The following FOXP1 variants were observed in gnomAD, a reference collection of about 807,000 sequenced individuals.
The protein encoded by FOXP1 is forkhead box P1.
Under a neutral mutation model 98.2 loss-of-function variants are expected in FOXP1, and 15 were observed. The observed-to-expected ratio is 0.15, with a 90% CI of 0.10 to 0.24. The LOEUF (loss-of-function observed/expected upper bound fraction) is 0.24, where lower values mean the gene tolerates loss of function less well. Ranked by LOEUF, FOXP1 falls within the 10% of genes least tolerant of loss-of-function variation. FOXP1 has a pLI of 1.00. For synonymous variants in FOXP1, 371 were observed against 314.5 expected, an observed-to-expected ratio of 1.18 and a Z score of -1.90; for missense variants, 633 against 848.5, an observed-to-expected ratio of 0.75 and a Z score of 3.15.
chr3:71,208,578 T>G (rs1312801370), intron 5 of FOXP1, among the ~76,000 whole-genome samples: 1 of 123,360 alleles, frequency 8.1e-6, no homozygotes, highest in Non-Finnish European at 1.7e-5. Context: ...TAAACAGACC[T>G]TGCAGGATAA....
chr3:71,137,795 ATTAT>A (rs747717808), intron 6 of FOXP1, among the ~76,000 whole-genome samples: 30 of 32,298 alleles, frequency 9.3e-4, no homozygotes, highest in Non-Finnish European at 9.1e-3. Flanking sequence ...TTTATTTATT[ATTAT>A]TTTTTTTTTT....
chr3:71,370,804 T>TTG (rs2079251106), intron 3 of FOXP1, among the ~76,000 whole-genome samples: 1 of 149,786 alleles, frequency 6.7e-6, no homozygotes, highest in African/African-American at 2.4e-5. Context: ...TGTTGTTTTT[T>TTG]TTTTTTTTTT....
At chr3:70,975,434 T>C (rs986193701) in intron 17 of FOXP1, among the ~76,000 whole-genome samples, 3 of 152,190 alleles carry the variant, frequency 2.0e-5, no homozygotes, top group South Asian at 2.1e-4. Context: ...CACAGCTCTG[T>C]AAAGTTGATG....
chr3:70,987,901 A>G, intron 14 of FOXP1, 93 bp downstream of exon 14: 1 of 1,125,838 alleles, frequency 8.9e-7, no homozygotes, highest in Non-Finnish European at 1.3e-6. Flanking sequence ...CCACCAAAGT[A>G]GGCTGGTCCT....
At chr3:71,162,164 C>T (rs1167779728) in intron 6 of FOXP1, among the ~76,000 whole-genome samples, 3 of 152,182 alleles carry the variant, frequency 2.0e-5, no homozygotes, top group Non-Finnish European at 4.4e-5. Flanking sequence ...TCATCACTTA[C>T]AATTTTTTAA....
chr3:71,481,992 C>A (rs1346838297), intron 3 of FOXP1, among the ~76,000 whole-genome samples: 1 of 152,140 alleles, frequency 6.6e-6, no homozygotes, highest in Non-Finnish European at 1.5e-5. Context: ...ATTTAAATCT[C>A]CAGCAAAGAG....
chr3:71,491,986 T>G (rs551425701), intron 3 of FOXP1, among the ~76,000 whole-genome samples: 16 of 152,320 alleles, frequency 1.1e-4, no homozygotes, highest in African/African-American at 3.6e-4. Flanking sequence ...CACTGAATGA[T>G]GACCAAATAG....
At chr3:71,506,975 A>C (rs2041869806) in intron 2 of FOXP1, among the ~76,000 whole-genome samples, 1 of 152,210 alleles carries the variant, frequency 6.6e-6, no homozygotes, top group Non-Finnish European at 1.5e-5. Context: ...CTCAATGCCT[A>C]GTCAACCAGC....
At chr3:71,360,522 C>G (rs1295105288) in intron 3 of FOXP1, 1 of 152,144 alleles carries the variant, frequency 6.6e-6, no homozygotes. Context: ...ACAGATAAGT[C>G]AACTCATCCT....
At position 71,284,956 on chromosome 3, in the gene FOXP1, T is replaced by C. The variant is rs955124375; in HGVS notation, c.-12+14864A>G. Among the ~76,000 whole-genome samples the C allele has an allele frequency of 5.9e-5, 9 of 152,344 alleles. No homozygotes were observed. The East Asian group carries it at 1.3e-3, about 23-fold the overall frequency. On this transcript the variant is annotated intron_variant, in intron 5 of 20. Transcript: ENST00000649528. The stretch of plus-strand genomic sequence containing the variant: ...AATTCCCCATAATGAGATGGTTTTA[T>C]ATTTATAATCAGAAAAAATTAACTT...
intron 7 of FOXP1, among the ~76,000 whole-genome samples, chr3:71,086,528 T>C (rs1198944479): frequency 6.6e-6 from 1 of 152,198 alleles, no homozygotes; most frequent in African/African-American, 2.4e-5. Context: ...AAATTGCTGT[T>C]GCCTTTTCTA....
chr3:70,977,227 T>A lies in FOXP1; in HGVS notation c.1429-185A>T, dbSNP rs540914581. On this transcript the variant is annotated intron_variant, in intron 16 of 20. Transcript: ENST00000649528. ...TAGCAAAATTCAAAATGGAATTATC[T>A]AATTGTTTTGAGTTTTTATTTCTGT... Among the ~76,000 whole-genome samples, 4 of 152,304 alleles carry A rather than the reference T, an allele frequency of 2.6e-5. 1 individual carries two copies. The highest frequency in any genetic ancestry group is 9.6e-5 in the African/African-American group (4 of 41,540).
intron 3 of FOXP1, among the ~76,000 whole-genome samples, chr3:71,433,364 T>G (rs79102126): frequency 0.015 from 2,219 of 152,322 alleles, 66 homozygotes; most frequent in African/African-American, 0.05. Flanking sequence ...ATAAACACTC[T>G]ACGTGTCTAT....
At chr3:71,084,066 C>A (rs2054749406) in intron 7 of FOXP1, among the ~76,000 whole-genome samples, 1 of 152,196 alleles carries the variant, frequency 6.6e-6, no homozygotes, top group African/African-American at 2.4e-5. Flanking sequence ...TCAACCCCAA[C>A]TGTACACGGC....
At chr3:71,189,390 A>C (rs965317418) in intron 6 of FOXP1, among the ~76,000 whole-genome samples, 2 of 152,236 alleles carry the variant, frequency 1.3e-5, no homozygotes, top group African/African-American at 4.8e-5. Flanking sequence ...TAACTGTCAA[A>C]GGCTAAATGG....
intron 6 of FOXP1, among the ~76,000 whole-genome samples, chr3:71,162,530 T>C (rs780582657): frequency 6.6e-6 from 1 of 152,184 alleles, no homozygotes; most frequent in African/African-American, 2.4e-5. Context: ...CCAATATCTA[T>C]TGGGTTCCTA....
chr3:71,202,087 A>C (rs977411315), intron 5 of FOXP1, among the ~76,000 whole-genome samples: 1 of 152,194 alleles, frequency 6.6e-6, no homozygotes, highest in Non-Finnish European at 1.5e-5. Context: ...GAGTAAGAAC[A>C]GTCTCCAATA....
rs1385215334 is a variant in FOXP1 at position 70,956,490 on chromosome 3, T to G, written c.*2757A>C. The G allele has an allele frequency of 1.4e-5, 3 of 217,712 alleles. No homozygotes were observed. Among genetic ancestry groups the G allele is most frequent in the East Asian group, 6.6e-5 (1 of 15,148 alleles). 13.5% of individuals were successfully genotyped at this position (217,712 alleles called of 1,614,324 possible). A position where few individuals can be genotyped will look rare whatever the true frequency, so the allele number is the denominator to read the frequency against. On this transcript the variant is annotated 3_prime_UTR_variant, in exon 21 of 21. Transcript: ENST00000649528. ...CGACTAAGTGCAACTGAGTGAAATG[T>G]TTTTTTTTTAAATTTTAATCATTCC... is the stretch of plus-strand genomic sequence containing the variant.
intron 7 of FOXP1, among the ~76,000 whole-genome samples, chr3:71,066,017 C>T (rs762615450): frequency 3.4e-5 from 5 of 146,894 alleles, no homozygotes; most frequent in South Asian, 2.2e-4. Flanking sequence ...AATCCCCACA[C>T]ACATTTTTAT....
Sources: gnomAD v4.1 joint callset for allele counts (sites outside exome capture counted in the v4.1 genomes callset) on GRCh38, gnomAD v4.1.1 for gene constraint, MANE v1.5 for transcripts, NCBI Gene and HGNC (gene_info 2026-07-23, HGNC 2026-07-21) for gene names.